SATB2: variants seen among roughly 807,000 people sequenced by gnomAD.
SATB2 encodes DNA-binding protein SATB2.
In SATB2, 1 loss-of-function variant was observed where a neutral mutation model predicts 73.4. That is an observed-to-expected ratio of 0.01 (90% CI 0.00 to 0.06). SATB2 has a LOEUF of 0.06. Among genes scored for constraint, SATB2 ranks in the 10% least tolerant of loss-of-function variants. The probability of loss-of-function intolerance (pLI) is 1.00; values close to 1 mark genes in which losing one functional copy is unlikely to be tolerated. For missense variants in SATB2, 459 were observed against 945.8 expected, an observed-to-expected ratio of 0.49 and a Z score of 6.75; for synonymous variants, 397 against 367.0, an observed-to-expected ratio of 1.08 and a Z score of -0.93.
At chr2:199,433,212 A>T in intron 3 of SATB2, 126 bp downstream of exon 3, 1 of 963,184 alleles carries the variant, frequency 1.0e-6, no homozygotes, top group Non-Finnish European at 1.5e-6. Flanking sequence ...TCTACTGCTC[A>T]CTAGGAAATG....
At chr2:199,411,120 T>C (rs1169026687) in intron 3 of SATB2, among the ~76,000 whole-genome samples, 1 of 152,096 alleles carries the variant, frequency 6.6e-6, no homozygotes. Context: ...CACTGAATCA[T>C]TTACTCTCCT....
chr2:199,430,662 T>A (rs954257636), intron 3 of SATB2, among the ~76,000 whole-genome samples: 1 of 152,198 alleles, frequency 6.6e-6, no homozygotes, highest in African/African-American at 2.4e-5. Context: ...ATTTCTATCA[T>A]TCTTTAGGAG....
chr2:199,276,262 C>T (rs1365608249), intron 10 of SATB2, among the ~76,000 whole-genome samples: 2 of 152,208 alleles, frequency 1.3e-5, no homozygotes, highest in African/African-American at 4.8e-5. Context: ...CTTTTCTTCA[C>T]TTTCTCACAT....
chr2:199,308,407 A>T lies in SATB2; in HGVS notation c.1740+353T>A, dbSNP rs1489910504. On this transcript the variant is annotated intron_variant, in intron 10 of 10. Coordinates refer to ENST00000417098, the MANE Select transcript of SATB2 (RefSeq NM_001172509.2). The surrounding 1 kb of genome is among the most constrained non-coding windows in gnomAD (Gnocchi z 4.6). ...CTTCACAGGTTTTTTATAGAAAATGAACTGATGGAAACCATGTTTTCCGAT... is the reference window on the plus strand; with the variant it reads ...CTTCACAGGTTTTTTATAGAAAATGTACTGATGGAAACCATGTTTTCCGAT... Among the ~76,000 whole-genome samples the T allele has an allele frequency of 6.6e-6, 1 of 152,220 alleles. No homozygotes were observed. Among genetic ancestry groups the T allele is most frequent in the African/African-American group, 2.4e-5 (1 of 41,452 alleles).
intron 2 of SATB2, among the ~76,000 whole-genome samples, chr2:199,452,870 A>T (rs1012359237): frequency 6.6e-6 from 1 of 152,156 alleles, no homozygotes; most frequent in Non-Finnish European, 1.5e-5. Flanking sequence ...CTGCTCAGAT[A>T]AGAGTAAAAA....
At chr2:199,318,320 C>T (rs1687791131) in intron 9 of SATB2, among the ~76,000 whole-genome samples, 1 of 151,984 alleles carries the variant, frequency 6.6e-6, no homozygotes, top group South Asian at 2.1e-4. Flanking sequence ...ATAAGATCAA[C>T]ATTAAAGCAC....
chr2:199,368,946 G>A, intron 5 of SATB2: 1 of 403,126 alleles, frequency 2.5e-6, no homozygotes, highest in East Asian at 4.9e-5. Context: ...ACAATGGAGG[G>A]GACAGAACAT....
chr2:199,463,475 G>T lies in SATB2; in HGVS notation c.-141+1361C>A, dbSNP rs1196278513. ...GCCCAAGGTGGCTGCGAAGAGCCCC[G>T]AGGCCTCGGCTTGGCGTCAATGTCC... On this transcript the variant is annotated intron_variant, in intron 1 of 11. Transcript: ENST00000260926. The surrounding 1 kb of genome is among the most constrained non-coding windows in gnomAD (Gnocchi z 6.4). Among the ~76,000 whole-genome samples, 10 of 152,146 alleles carry T rather than the reference G, an allele frequency of 6.6e-5. No homozygotes were observed. The highest frequency in any genetic ancestry group is 6.5e-4 in the Admixed American group (10 of 15,286).
At chr2:199,368,275 T>TA (rs1689346199) in intron 6 of SATB2, among the ~76,000 whole-genome samples, 1 of 152,138 alleles carries the variant, frequency 6.6e-6, no homozygotes, top group Non-Finnish European at 1.5e-5. Context: ...ACCCCAACAG[T>TA]ATCTGTTAAT....
intron 2 of SATB2, among the ~76,000 whole-genome samples, chr2:199,449,043 T>C (rs1470346066): frequency 1.3e-5 from 2 of 152,192 alleles, no homozygotes; most frequent in Non-Finnish European, 2.9e-5. Context: ...GATAACTTTA[T>C]TGCAAGTTTC....
At chr2:199,303,007 G>C (rs931643171) in intron 10 of SATB2, among the ~76,000 whole-genome samples, 1 of 152,146 alleles carries the variant, frequency 6.6e-6, no homozygotes, top group Non-Finnish European at 1.5e-5. Flanking sequence ...AAAACTCCCA[G>C]AACTAGATCT....
intron 10 of SATB2, among the ~76,000 whole-genome samples, chr2:199,281,282 G>A (rs1450307597): frequency 6.6e-5 from 10 of 151,222 alleles, no homozygotes; most frequent in East Asian, 1.9e-4. Context: ...GTGTGTGTGT[G>A]TGTATATATA....
At chr2:199,432,949 G>T (rs7569747) in intron 3 of SATB2, among the ~76,000 whole-genome samples, 2,995 of 152,100 alleles carry the variant, frequency 0.02, 96 homozygotes, top group African/African-American at 0.067. Flanking sequence ...AAAGCTTATT[G>T]CAAAGTGCAG....
At chr2:199,277,770 AT>A (rs1206304864) in intron 10 of SATB2, among the ~76,000 whole-genome samples, 1 of 152,184 alleles carries the variant, frequency 6.6e-6, no homozygotes, top group African/African-American at 2.4e-5. Context: ...ATTGACCTAA[AT>A]GCTATAAATA....
At chr2:199,316,508 T>C (rs1687738964) in intron 9 of SATB2, among the ~76,000 whole-genome samples, 1 of 152,120 alleles carries the variant, frequency 6.6e-6, no homozygotes. Context: ...AATTGTATAC[T>C]AAATTCTAAA....
intron 7 of SATB2, among the ~76,000 whole-genome samples, chr2:199,332,592 T>A (rs899583159): frequency 1.3e-5 from 2 of 152,166 alleles, no homozygotes; most frequent in Admixed American, 1.3e-4. Flanking sequence ...TTGAGGCTAA[T>A]TTTTAAATGA....
intron 6 of SATB2, among the ~76,000 whole-genome samples, chr2:199,350,936 T>C (rs1688796638): frequency 6.7e-6 from 1 of 148,278 alleles, no homozygotes; most frequent in African/African-American, 2.5e-5. Context: ...ATCAGGAGAA[T>C]CGCTTGAACC....
intron 7 of SATB2, among the ~76,000 whole-genome samples, chr2:199,337,032 A>G: frequency 6.6e-6 from 1 of 152,192 alleles, no homozygotes; most frequent in Admixed American, 6.5e-5. Context: ...TAGTTTCTGA[A>G]TACTTAATAT....
chr2:199,441,098 C>T (rs1218369463), intron 2 of SATB2, among the ~76,000 whole-genome samples: 8 of 152,048 alleles, frequency 5.3e-5, no homozygotes, highest in Non-Finnish European at 7.4e-5. Context: ...CCGCCTGCCT[C>T]GACCTCCCAA....
Sources: gnomAD v4.1 joint callset for allele counts (sites outside exome capture counted in the v4.1 genomes callset) on GRCh38, gnomAD v4.1.1 for gene constraint, Gnocchi (gnomAD v3.1) non-coding constraint, MANE v1.5 for transcripts, NCBI Gene and HGNC (gene_info 2026-07-23, HGNC 2026-07-21) for gene names.